The following ADGRV1 variants were observed in gnomAD, a reference collection of about 807,000 sequenced individuals.
The protein encoded by ADGRV1 is G-protein coupled receptor 98.
Under a neutral mutation model 596.2 loss-of-function variants are expected in ADGRV1, and 359 were observed. The observed-to-expected ratio is 0.60, with a 90% CI of 0.55 to 0.66. The LOEUF (loss-of-function observed/expected upper bound fraction) is 0.66, where lower values mean the gene tolerates loss of function less well. ADGRV1 is among the 30% of genes least tolerant of loss of function. The pLI is 0.00. For missense variants in ADGRV1, 7,274 were observed against 7,575.6 expected (o/e 0.96, Z 1.48); for synonymous variants, 2,681 against 2,679.2 (o/e 1.00, Z -0.02).
chr5:90,920,169 G>T (rs746232415), intron 83 of ADGRV1, among the ~76,000 whole-genome samples: 6 of 152,050 alleles, frequency 3.9e-5, no homozygotes, highest in Non-Finnish European at 5.9e-5. Context: ...GTGCCAACAG[G>T]TTCAGTGTCT....
chr5:90,846,327 G>A (rs1157975963), intron 78 of ADGRV1: 2 of 152,218 alleles, frequency 1.3e-5, no homozygotes, highest in Non-Finnish European at 2.9e-5. Context: ...GTTGGTAGAT[G>A]GGGCATAGTG....
At chr5:90,895,201 C>T (rs1771192888) in intron 83 of ADGRV1, among the ~76,000 whole-genome samples, 1 of 151,972 alleles carries the variant, frequency 6.6e-6, no homozygotes, top group South Asian at 2.1e-4. Flanking sequence ...CTAATATGGG[C>T]CAGGTAACCA....
intron 1 of ADGRV1, among the ~76,000 whole-genome samples, chr5:90,611,295 A>G (rs887780561): frequency 6.6e-6 from 1 of 151,950 alleles, no homozygotes; most frequent in African/African-American, 2.4e-5. Flanking sequence ...TATGATTACT[A>G]GAATTCAAGA....
intron 16 of ADGRV1, 100 bp downstream of exon 16, chr5:90,646,191 T>C (rs1349652009): frequency 1.9e-6 from 1 of 533,526 alleles, no homozygotes; most frequent in Non-Finnish European, 2.7e-6. Flanking sequence ...TGCACGTGCG[T>C]ATATACATTT....
chr5:91,117,266 A>G (rs1792929821), intron 87 of ADGRV1, among the ~76,000 whole-genome samples: 2 of 152,182 alleles, frequency 1.3e-5, no homozygotes, highest in Admixed American at 6.5e-5. Context: ...CCAATATCAT[A>G]ACACTGGAAA....
chr5:90,685,421 A>G (rs973670971), intron 28 of ADGRV1, among the ~76,000 whole-genome samples: 9 of 152,078 alleles, frequency 5.9e-5, no homozygotes, highest in South Asian at 2.1e-4. Flanking sequence ...CATCTCTACT[A>G]AAATATAAAA....
intron 86 of ADGRV1, among the ~76,000 whole-genome samples, chr5:91,080,940 A>G (rs999139115): frequency 6.6e-6 from 1 of 152,150 alleles, no homozygotes; most frequent in Non-Finnish European, 1.5e-5. Flanking sequence ...ACACTTCATC[A>G]ATATCTCTCA....
rs750986857 is a variant in ADGRV1 at position 90,684,204 on chromosome 5, C to T, written c.6274+9C>T. 7 of 1,584,910 alleles carry T rather than the reference C, an allele frequency of 4.4e-6. No individual in the cohort carries two copies. In the Admixed American group the frequency reaches 1.2e-4, roughly 28 times the overall value. ...AGTACAGAGTCGTTCAAGTAAGTAT[C>T]CCTTAGTGTGTTATTATTATTATTA... On this transcript the variant is annotated intron_variant, in intron 28 of 89. Coordinates refer to ENST00000405460, the MANE Select transcript of ADGRV1 (RefSeq NM_032119.4).
At position 90,725,627 on chromosome 5, in the gene ADGRV1, A is replaced by G; in HGVS notation, c.10132A>G (p.Ser3378Gly). The G allele has an allele frequency of 6.4e-7, 1 of 1,570,488 alleles. No homozygotes were observed. Among genetic ancestry groups the G allele is most frequent in the South Asian group, 1.1e-5 (1 of 88,432 alleles). ...SDSQDYLIIASQRDDSELTQV... is the reference protein window; with the variant it reads ...SDSQDYLIIAGQRDDSELTQV... ...CAGCCAAGATTATTTAATCATTGCA[A>G]GTCAAAGAGATGATTCCGAATTAAC... Residue 3378 changes from serine (S) to glycine (G), a missense_variant, in exon 48 of 90, where the codon AGT becomes GGT. Physicochemically the swap from Ser to Gly is moderately conservative, Grantham distance 56. Transcript: ENST00000405460.
intron 21 of ADGRV1, among the ~76,000 whole-genome samples, chr5:90,667,440 G>A (rs941282836): frequency 1.1e-4 from 16 of 146,598 alleles, no homozygotes; most frequent in African/African-American, 3.3e-4. Flanking sequence ...CGTAGTTCTC[G>A]AGCCTTGGTT....
chr5:90,739,943 C>T (rs1753746902), intron 50 of ADGRV1, among the ~76,000 whole-genome samples: 1 of 152,032 alleles, frequency 6.6e-6, no homozygotes, highest in South Asian at 2.1e-4. Flanking sequence ...AAGACATTCA[C>T]ACACATGCAC....
intron 83 of ADGRV1, among the ~76,000 whole-genome samples, chr5:90,947,310 C>T (rs1296506542): frequency 5.1e-5 from 7 of 136,976 alleles, no homozygotes; most frequent in African/African-American, 2.0e-4. Context: ...CTGTTCGTGT[C>T]CTTTGCTCAC....
chr5:90,894,426 A>G (rs1771108107), intron 83 of ADGRV1, among the ~76,000 whole-genome samples: 1 of 152,188 alleles, frequency 6.6e-6, no homozygotes, highest in Non-Finnish European at 1.5e-5. Flanking sequence ...AGCATATAAA[A>G]TGAGTAGGTG....
At chr5:90,583,771 A>G (rs569966183) in intron 1 of ADGRV1, among the ~76,000 whole-genome samples, 4 of 152,164 alleles carry the variant, frequency 2.6e-5, no homozygotes, top group Non-Finnish European at 4.4e-5. Flanking sequence ...GGGCTTTTCT[A>G]TTCATTAATG....
intron 1 of ADGRV1, chr5:90,614,165 A>G: frequency 2.7e-6 from 1 of 371,542 alleles, no homozygotes; most frequent in Non-Finnish European, 5.1e-6. Flanking sequence ...GAAAAAAAAA[A>G]AAAAAAAGAA....
At chr5:90,668,363 A>T (rs916231813) in intron 21 of ADGRV1, among the ~76,000 whole-genome samples, 1 of 151,178 alleles carries the variant, frequency 6.6e-6, no homozygotes, top group Admixed American at 6.6e-5. Context: ...GGTGGGAGTG[A>T]CCCGATTTTC....
intron 87 of ADGRV1, among the ~76,000 whole-genome samples, chr5:91,113,834 G>GCTTGAACC (rs1453359189): frequency 2.0e-5 from 3 of 151,414 alleles, no homozygotes; most frequent in African/African-American, 4.9e-5. Context: ...CAGGAGAATT[G>GCTTGAACC]CTTGAACCCG....
chr5:90,730,321 G>T (rs1296095886), intron 50 of ADGRV1, among the ~76,000 whole-genome samples: 4 of 152,154 alleles, frequency 2.6e-5, no homozygotes, highest in Non-Finnish European at 5.9e-5. Context: ...CTAAAATATG[G>T]AGGAAAATAT....
Position 90,684,113 on chromosome 5 carries a change from T to C in ADGRV1, c.6192T>C (p.Asp2064=), listed in dbSNP as rs1157582655. The C allele has an allele frequency of 6.2e-7, 1 of 1,613,920 alleles. No individual in the cohort carries two copies. Among genetic ancestry groups the C allele is most frequent in the Non-Finnish European group, 8.5e-7 (1 of 1,179,852 alleles). The change falls in exon 28 of 90, where the codon GAT becomes GAC. Residue 2064 remains aspartate (D), a synonymous_variant. Coordinates refer to ENST00000405460, the MANE Select transcript of ADGRV1 (RefSeq NM_032119.4). ...CAACAATAGCTATTTCAATTTTGGA[T>C]GATGATGAGCCAGAAAGGTCCGAAT... ...SEATIAISIL[D]DDEPERSESV...
Sources: allele counts gnomAD v4.1 joint callset (sites outside exome capture counted in the v4.1 genomes callset), GRCh38; gene constraint gnomAD v4.1.1; transcripts MANE v1.5; gene names NCBI Gene and HGNC (gene_info 2026-07-23, HGNC 2026-07-21).